The following ZNF469 variants were observed in gnomAD, a reference collection of about 807,000 sequenced individuals.
ZNF469 encodes zinc finger protein 469.
In ZNF469, 1 loss-of-function variant was observed where a neutral mutation model predicts 1.0. The ratio of observed to expected loss-of-function variants is 1.00; its 90% CI spans 0.35 to 4.73. ZNF469 has a LOEUF of 4.73. Among genes scored for constraint, ZNF469 ranks in the 30% most tolerant of loss-of-function variants. The pLI is 0.16. For missense variants in ZNF469, 6,100 were observed against 5,356.3 expected (o/e 1.14, Z -4.33); for synonymous variants, 2,703 against 2,363.4 (o/e 1.14, Z -4.17).
the ZNF469 span, among the ~76,000 whole-genome samples, chr16:88,195,888 G>A: frequency 6.6e-6 from 1 of 152,196 alleles, no homozygotes; most frequent in African/African-American, 2.4e-5. Context: ...AAGGTAGGAG[G>A]GAGCTCCAGA....
At chr16:88,227,238 A>G in the ZNF469 span, among the ~76,000 whole-genome samples, 3 of 152,116 alleles carry the variant, frequency 2.0e-5, no homozygotes, top group East Asian at 1.9e-4. Flanking sequence ...CGGGCACCTG[A>G]CTAGTCTTGT....
the ZNF469 span, among the ~76,000 whole-genome samples, chr16:88,318,459 C>T: frequency 2.0e-5 from 3 of 152,346 alleles, no homozygotes; most frequent in African/African-American, 7.2e-5. Context: ...GAGGAGCTGG[C>T]GGTGTCCTCT....
Position 88,434,262 on chromosome 16 carries a change from T to C in ZNF469, c.6792T>C (p.Ser2264=). Residue 2264 remains serine (S), a synonymous_variant, in exon 3 of 3, where the codon TCT becomes TCC. Coordinates refer to ENST00000565624, the MANE Select transcript of ZNF469 (RefSeq NM_001367624.2). The part of the protein sequence containing the change: ...EDSRKEKLWE[S]PGRATSPPLA... ...CCAGAAAAGAGAAGCTGTGGGAGTC[T>C]CCTGGCCGAGCCACCTCTCCTCCTC... 4 of 1,550,300 alleles carry C rather than the reference T, an allele frequency of 2.6e-6. No homozygotes were observed. Among genetic ancestry groups the C allele is most frequent in the Non-Finnish European group, 3.5e-6 (4 of 1,146,972 alleles).
chr16:88,284,431 C>T, the ZNF469 span, among the ~76,000 whole-genome samples: 1 of 152,078 alleles, frequency 6.6e-6, no homozygotes, highest in Non-Finnish European at 1.5e-5. Context: ...GCCTGAGCAA[C>T]ATAGCAAGAC....
chr16:88,381,644 C>T (rs1185819205), upstream of ZNF469, among the ~76,000 whole-genome samples: 1 of 152,362 alleles, frequency 6.6e-6, no homozygotes, highest in African/African-American at 2.4e-5. Context: ...ATCCCAGGAC[C>T]TGGAGGCCCC....
the ZNF469 span, among the ~76,000 whole-genome samples, chr16:88,318,874 C>T: frequency 6.6e-6 from 1 of 152,278 alleles, no homozygotes; most frequent in African/African-American, 2.4e-5. Context: ...CAGCTTGGCC[C>T]TCACGTGGTG....
At chr16:88,230,385 C>A in the ZNF469 span, among the ~76,000 whole-genome samples, 1 of 152,190 alleles carries the variant, frequency 6.6e-6, no homozygotes, top group South Asian at 2.1e-4. Flanking sequence ...GGGGGTGACC[C>A]CAGGCAGCCC....
chr16:88,336,470 TACC>T, the ZNF469 span, among the ~76,000 whole-genome samples: 1 of 142,434 alleles, frequency 7.0e-6, no homozygotes, highest in Non-Finnish European at 1.5e-5. Flanking sequence ...AACATGCCAA[TACC>T]ACGCACGTTC....
the ZNF469 span, among the ~76,000 whole-genome samples, chr16:88,243,951 T>TATATAA: frequency 1.3e-3 from 154 of 120,730 alleles, 4 homozygotes; most frequent in Non-Finnish European, 1.9e-3. Context: ...TATATATATA[T>TATATAA]AAATGTATGT....
the ZNF469 span, among the ~76,000 whole-genome samples, chr16:88,184,577 C>T: frequency 2.4e-4 from 36 of 152,024 alleles, no homozygotes; most frequent in East Asian, 4.7e-3. Context: ...TGTGGACGCC[C>T]GCGCCACCTT....
the ZNF469 span, among the ~76,000 whole-genome samples, chr16:88,117,613 G>GTGCCACGTGCCTTCGGGGACCATGGAGT: frequency 6.6e-6 from 1 of 152,146 alleles, no homozygotes; most frequent in Non-Finnish European, 1.5e-5. Flanking sequence ...GACCGTGGAG[G>GTGCCACGTGCCTTCGGGGACCATGGAGT]TGCCACGTGT....
the ZNF469 span, among the ~76,000 whole-genome samples, chr16:88,350,778 G>A: frequency 2.6e-5 from 4 of 152,340 alleles, no homozygotes; most frequent in Non-Finnish European, 2.9e-5. Context: ...ACGCGCTGCG[G>A]GCTCTGAAGG....
the ZNF469 span, among the ~76,000 whole-genome samples, chr16:88,206,054 G>A: frequency 6.6e-6 from 1 of 152,152 alleles, no homozygotes; most frequent in African/African-American, 2.4e-5. Context: ...AGGGAGAGAC[G>A]CCGTTCCTGG....
rs761477298 is a variant in ZNF469, at chr16:88,433,913, G to A, written c.6443G>A (p.Gly2148Glu). 6 of 1,549,206 alleles carry A rather than the reference G, an allele frequency of 3.9e-6. No homozygotes were observed. Among genetic ancestry groups the A allele is most frequent in the Middle Eastern group, 1.7e-4 (1 of 6,014 alleles). Reference sequence around the variant, plus strand: ...TCCAGGGCCCAAGGTGGGCTGGGGGGGCAGCTGCCAGCATCTCCGTCCTGC... The same window carrying A: ...TCCAGGGCCCAAGGTGGGCTGGGGGAGCAGCTGCCAGCATCTCCGTCCTGC... ...SPSRAQGGLG[G>E]QLPASPSCRD... The change falls in exon 3 of 3, where the codon GGG becomes GAG. Residue 2148 changes from glycine to glutamate, a missense_variant. Gly to Glu is a moderately conservative substitution (Grantham distance 98). Transcript: ENST00000565624.
the ZNF469 span, among the ~76,000 whole-genome samples, chr16:88,357,099 C>T: frequency 2.0e-4 from 31 of 152,216 alleles, no homozygotes; most frequent in Non-Finnish European, 3.8e-4. Flanking sequence ...TGACCCGGGC[C>T]GGGCTGGCCC....
At chr16:88,284,674 A>G in the ZNF469 span, among the ~76,000 whole-genome samples, 1 of 151,546 alleles carries the variant, frequency 6.6e-6, no homozygotes, top group Non-Finnish European at 1.5e-5. Context: ...ACCACCACCA[A>G]CACTCTGCAG....
At position 88,429,981 on chromosome 16, in the gene ZNF469, C is replaced by G. The variant is rs747457964; in HGVS notation, c.2511C>G (p.Asp837Glu). The part of the protein sequence containing the change: ...LPASDLDMED[D>E]AKLDSLITEA... ...CCTCGGACCTGGACATGGAGGATGA[C>G]GCCAAGCTGGACAGCCTCATCACAG... Residue 837 changes from aspartate to glutamate, a missense_variant, in exon 3 of 3, where the codon GAC (aspartate) becomes GAG (glutamate). Coordinates refer to ENST00000565624, the MANE Select transcript of ZNF469 (RefSeq NM_001367624.2). 3.9e-6 allele frequency: 6 copies of G among 1,550,366 alleles called. No homozygotes were observed. In the South Asian group the frequency reaches 7.1e-5, roughly 18 times the overall value.
intron 1 of ZNF469, among the ~76,000 whole-genome samples, chr16:88,402,291 C>T (rs911203396): frequency 1.3e-5 from 2 of 152,138 alleles, no homozygotes; most frequent in African/African-American, 4.8e-5. Flanking sequence ...TCTACCCTCT[C>T]CTTCAGGAGT....
chr16:88,190,498 G>A, the ZNF469 span, among the ~76,000 whole-genome samples: 184 of 152,358 alleles, frequency 1.2e-3, no homozygotes, highest in African/African-American at 4.0e-3. Flanking sequence ...AGGAAGGAGA[G>A]GGAGAAGAGC....
Sources: allele counts gnomAD v4.1 joint callset (sites outside exome capture counted in the v4.1 genomes callset), GRCh38; gene constraint gnomAD v4.1.1; transcripts MANE v1.5; gene names NCBI Gene and HGNC (gene_info 2026-07-23, HGNC 2026-07-21).